Variants in TANC2 observed in about 807,000 individuals in gnomAD.
TANC2 encodes the protein protein TANC2.
In TANC2, 26 loss-of-function variants were observed where a neutral mutation model predicts 210.5. That is an observed-to-expected ratio of 0.12 (90% CI 0.09 to 0.17). The LOEUF (loss-of-function observed/expected upper bound fraction) is 0.17. TANC2 is among the 10% of genes least tolerant of loss of function. TANC2 has a pLI of 1.00. For synonymous variants in TANC2, 931 were observed against 967.1 expected (o/e 0.96, Z 0.69); for missense variants, 2,129 against 2,608.9 (o/e 0.82, Z 4.01).
chr17:63,414,735 A>G, intron 25 of TANC2, among the ~76,000 whole-genome samples: 1 of 152,226 alleles, frequency 6.6e-6, no homozygotes, highest in East Asian at 1.9e-4. Context: ...GTAACTATAG[A>G]GAAGGAATAG....
At chr17:63,150,702 C>T (rs1029519014) in intron 4 of TANC2, 1 of 152,120 alleles carries the variant, frequency 6.6e-6, no homozygotes, top group Admixed American at 6.5e-5. Context: ...TGTTAAGCTA[C>T]GTAGATTAGG....
chr17:63,310,502 G>A (rs1024727906), intron 9 of TANC2, among the ~76,000 whole-genome samples: 6 of 152,064 alleles, frequency 3.9e-5, no homozygotes, highest in East Asian at 1.9e-4. Flanking sequence ...TAAAGGCAAA[G>A]AACTGAGAAA....
chr17:63,256,045 A>G (rs2043186422), intron 8 of TANC2, among the ~76,000 whole-genome samples: 1 of 151,210 alleles, frequency 6.6e-6, no homozygotes, highest in Admixed American at 6.6e-5. Flanking sequence ...AGCTGGGATT[A>G]CAAATGCCCA....
At chr17:63,379,053 C>T (rs574232364) in intron 14 of TANC2, among the ~76,000 whole-genome samples, 4 of 152,106 alleles carry the variant, frequency 2.6e-5, no homozygotes, top group South Asian at 2.1e-4. Context: ...TAATCTAGAG[C>T]GAGGAAAGAA....
chr17:63,412,104 C>G lies in TANC2; in HGVS notation c.3872C>G (p.Thr1291Ser), dbSNP rs1010959592. ...TGCCGGAACACTTCTGTTGTTGTCA[C>G]TCTTCTGAAGAAAGGAGCCAAGATA... is the stretch of plus-strand genomic sequence containing the variant. Residue 1291 changes from threonine (T) to serine (S), a missense_variant, in exon 23 of 28, where the codon ACT (threonine) becomes AGT (serine). By Grantham distance (58) the Thr-to-Ser change is moderately conservative (BLOSUM62 1). Transcript: ENST00000689528. This position sits in a 1 kb window ranked among gnomAD's most constrained non-coding sequence, Gnocchi z 4.2. The G allele has an allele frequency of 3.1e-6, 5 of 1,613,844 alleles. No individual in the cohort carries two copies. Among genetic ancestry groups the G allele is most frequent in the East Asian group, 2.2e-5 (1 of 44,874 alleles).
At chr17:63,198,268 T>C (rs1461462390) in intron 6 of TANC2, among the ~76,000 whole-genome samples, 1 of 152,082 alleles carries the variant, frequency 6.6e-6, no homozygotes, top group African/African-American at 2.4e-5. Flanking sequence ...CGATCTTGGC[T>C]CACTGCAACC....
intron 12 of TANC2, among the ~76,000 whole-genome samples, chr17:63,342,872 A>G (rs2046284482): frequency 6.6e-6 from 1 of 152,204 alleles, no homozygotes; most frequent in Admixed American, 6.5e-5. Flanking sequence ...TCTGCCTCTC[A>G]TTTAGGTCTC....
intron 7 of TANC2, among the ~76,000 whole-genome samples, chr17:63,210,463 A>C (rs1228821820): frequency 6.6e-6 from 1 of 152,352 alleles, no homozygotes; most frequent in South Asian, 2.1e-4. Context: ...CATTGCCAAT[A>C]ACCAGTATAG....
At chr17:63,264,103 G>A (rs1161551253) in intron 8 of TANC2, among the ~76,000 whole-genome samples, 1 of 152,168 alleles carries the variant, frequency 6.6e-6, no homozygotes, top group Non-Finnish European at 1.5e-5. Flanking sequence ...GGACCAGTGG[G>A]CTAACTGGAC....
intron 7 of TANC2, among the ~76,000 whole-genome samples, chr17:63,236,555 A>G (rs768742110): frequency 6.6e-6 from 1 of 152,100 alleles, no homozygotes; most frequent in Non-Finnish European, 1.5e-5. Context: ...ACATGCATAA[A>G]TTGCGTAGTG....
At chr17:63,259,999 C>T (rs919834162) in intron 8 of TANC2, among the ~76,000 whole-genome samples, 1 of 152,130 alleles carries the variant, frequency 6.6e-6, no homozygotes, top group Admixed American at 6.5e-5. Flanking sequence ...ATACAGGGTA[C>T]ATTACTTTGC....
At chr17:63,382,091 A>G (rs1386117121) in intron 15 of TANC2, among the ~76,000 whole-genome samples, 1 of 152,250 alleles carries the variant, frequency 6.6e-6, no homozygotes, top group African/African-American at 2.4e-5. Flanking sequence ...CGTACTTCAC[A>G]GGAACAAAGG....
At chr17:63,409,877 T>C (rs1333472715) in intron 21 of TANC2, among the ~76,000 whole-genome samples, 2 of 152,242 alleles carry the variant, frequency 1.3e-5, no homozygotes, top group African/African-American at 4.8e-5. Flanking sequence ...ATCGCTTATC[T>C]GAAACACTTC....
chr17:63,362,263 C>G (rs769693428), intron 14 of TANC2, among the ~76,000 whole-genome samples: 1 of 152,176 alleles, frequency 6.6e-6, no homozygotes, highest in Non-Finnish European at 1.5e-5. Flanking sequence ...TTGGCTGAGT[C>G]CAGGGTTTTT....
chr17:63,310,307 T>G (rs1335609291), intron 9 of TANC2, among the ~76,000 whole-genome samples: 1 of 152,022 alleles, frequency 6.6e-6, no homozygotes, highest in Non-Finnish European at 1.5e-5. Flanking sequence ...ATTAGCCTGG[T>G]GTCGTTGCAC....
At chr17:63,345,067 A>G (rs937233351) in intron 12 of TANC2, among the ~76,000 whole-genome samples, 1 of 152,082 alleles carries the variant, frequency 6.6e-6, no homozygotes, top group Admixed American at 6.6e-5. Flanking sequence ...AATGATTCCA[A>G]CTTCCAACCC....
chr17:63,262,098 A>AAC (rs902941146), intron 8 of TANC2, among the ~76,000 whole-genome samples: 7 of 152,268 alleles, frequency 4.6e-5, no homozygotes, highest in African/African-American at 1.2e-4. Flanking sequence ...AAATTAGTAT[A>AAC]ACACACACAC....
At chr17:63,195,088 A>T (rs2041301716) in intron 6 of TANC2, among the ~76,000 whole-genome samples, 1 of 152,174 alleles carries the variant, frequency 6.6e-6, no homozygotes, top group South Asian at 2.1e-4. Flanking sequence ...GAATATATTT[A>T]TATATTGTGT....
chr17:63,071,707 G>A (rs1000445408), intron 2 of TANC2, among the ~76,000 whole-genome samples: 4 of 152,106 alleles, frequency 2.6e-5, no homozygotes, highest in Non-Finnish European at 5.9e-5. Flanking sequence ...GAAGCACATA[G>A]GAAGGTTATA....
Sources: allele counts gnomAD v4.1 joint callset (sites outside exome capture counted in the v4.1 genomes callset), GRCh38; gene constraint gnomAD v4.1.1; non-coding constraint Gnocchi (gnomAD v3.1); transcripts MANE v1.5; gene names NCBI Gene and HGNC (gene_info 2026-07-23, HGNC 2026-07-21).